Variants in RRM2 observed in about 807,000 individuals in gnomAD.
RRM2 encodes the protein ribonucleotide reductase regulatory subunit M2, also known as ribonucleoside-diphosphate reductase subunit M2.
RRM2 carries 6 observed loss-of-function variants against 45.9 expected under a neutral mutation model. That is an observed-to-expected ratio of 0.13 (90% CI 0.07 to 0.26). RRM2 has a LOEUF of 0.26. RRM2 is among the 10% of genes least tolerant of loss of function. The pLI, the probability that RRM2 is intolerant of heterozygous loss-of-function variation, is 1.00. For missense variants in RRM2, 343 were observed against 489.5 expected (o/e 0.70, Z 2.82); for synonymous variants, 177 against 173.0 (o/e 1.02, Z -0.18).
At chr2:10,151,547 C>G (rs1349574990) in intron 3 of RRM2, among the ~76,000 whole-genome samples, 1 of 152,078 alleles carries the variant, frequency 6.6e-6, no homozygotes, top group Non-Finnish European at 1.5e-5. Flanking sequence ...ATCTGCTTGC[C>G]TTGGCCTCCG....
intron 3 of RRM2, chr2:10,210,236 G>C: frequency 9.8e-7 from 1 of 1,019,286 alleles, no homozygotes; most frequent in Non-Finnish European, 1.4e-6. Context: ...TGCCCAGTAT[G>C]TGTTTGGTGA....
chr2:10,124,838 A>T lies in RRM2; in HGVS notation c.557A>T (p.Asp186Val). 3 of 1,598,578 alleles carry T rather than the reference A, an allele frequency of 1.9e-6. No homozygotes were observed. The highest frequency in any genetic ancestry group is 2.6e-6 in the Non-Finnish European group (3 of 1,168,442). ...CTTCTTATTGACACTTACATAAAAGATCCCAAAGAAAGGTGAGTATTCAAG... is the reference window on the plus strand; with the variant it reads ...CTTCTTATTGACACTTACATAAAAGTTCCCAAAGAAAGGTGAGTATTCAAG... ...YSLLIDTYIK[D>V]PKEREFLFNA... The change falls in exon 5 of 10, where the codon GAT (aspartate) becomes GTT (valine). Residue 186 changes from aspartate to valine, a missense_variant. Physicochemically the swap from Asp to Val is radical, Grantham distance 152. Around this residue, in one of 2 missense-constraint regions of RRM2, gnomAD observed 212 missense variants for 368.1 expected, o/e 0.58. Transcript: ENST00000304567.
chr2:10,146,068 A>G (rs1001144120), intron 3 of RRM2: 1 of 152,250 alleles, frequency 6.6e-6, no homozygotes, highest in Non-Finnish European at 1.5e-5. Context: ...TCTCACACTC[A>G]TCCTGGGCAC....
rs182689253 is a variant in RRM2 at position 10,144,100 on chromosome 2, G to A, written n.482+1725G>A. On this transcript the variant is annotated intron_variant and non_coding_transcript_variant, in intron 3 of 3. Coordinates refer to the RRM2 transcript ENST00000381786. Reference sequence around the variant, plus strand: ...CACAGCGCCTGTTGGGGACTCTCCTGTAACCCAAGGGGGTAGCGGAAGGAT... The same window carrying A: ...CACAGCGCCTGTTGGGGACTCTCCTATAACCCAAGGGGGTAGCGGAAGGAT... 9.1e-4 allele frequency among the ~76,000 whole-genome samples: 138 copies of A among 152,340 alleles called. 1 individual carries two copies. Among genetic ancestry groups the A allele is most frequent in the African/African-American group, 3.2e-3 (132 of 41,576 alleles).
Position 10,127,451 on chromosome 2 carries a change from G to A in RRM2, c.798+231G>A. On this transcript the variant is annotated intron_variant, in intron 7 of 9. Transcript: ENST00000304567. This position sits in a 1 kb window ranked among gnomAD's most constrained non-coding sequence, Gnocchi z 4.1. ...ATTTGTACATATGTATTCCCCTATA[G>A]GCTTTGAATGCATAAAACTACAAGT... The A allele has an allele frequency of 4.5e-6, 2 of 444,238 alleles. No individual in the cohort carries two copies. The highest frequency in any genetic ancestry group is 8.0e-6 in the Non-Finnish European group (2 of 250,042). The allele number at this position is 444,238 out of a possible 1,614,324, so 27.5% of individuals were successfully genotyped here.
chr2:10,186,370 T>TG (rs1378063586), intron 3 of RRM2, among the ~76,000 whole-genome samples: 1 of 151,402 alleles, frequency 6.6e-6, no homozygotes, highest in Non-Finnish European at 1.5e-5. Flanking sequence ...TTGGCCAGGA[T>TG]GGTCTCGATT....
At chr2:10,124,233 G>C (rs1287049689) in intron 4 of RRM2, 1 of 257,252 alleles carries the variant, frequency 3.9e-6, no homozygotes, top group African/African-American at 2.3e-5. Flanking sequence ...AGCCTCATGA[G>C]TACCTGGGAT....
intron 3 of RRM2, among the ~76,000 whole-genome samples, chr2:10,143,984 C>G (rs1475242288): frequency 6.6e-6 from 1 of 152,170 alleles, no homozygotes; most frequent in Admixed American, 6.5e-5. Flanking sequence ...CACTTTCTTC[C>G]CCTTCCTCCT....
In RRM2 at chr2:10,146,299, A is replaced by G. The variant is rs1171122552; in HGVS notation, n.482+3924A>G. On this transcript the variant is annotated intron_variant and non_coding_transcript_variant, in intron 3 of 3. Coordinates refer to the RRM2 transcript ENST00000381786. ...CCTGGGCTGCCTCTTTCCCCAGTGC[A>G]CCTTGCTTTTTGGAACCAGATGACC... Among the ~76,000 whole-genome samples the G allele has an allele frequency of 2.0e-5, 3 of 152,176 alleles. No individual in the cohort carries two copies. The East Asian group carries it at 5.8e-4, about 29-fold the overall frequency.
At chr2:10,166,419 G>A (rs776141115) in intron 3 of RRM2, among the ~76,000 whole-genome samples, 1 of 152,200 alleles carries the variant, frequency 6.6e-6, no homozygotes, top group African/African-American at 2.4e-5. Context: ...TCTGTGCTCT[G>A]CCCCTGAACA....
chr2:10,170,430 C>G (rs566688583), intron 3 of RRM2, among the ~76,000 whole-genome samples: 1 of 152,164 alleles, frequency 6.6e-6, no homozygotes, highest in Admixed American at 6.5e-5. Flanking sequence ...GCGCTGGAAC[C>G]AGGGGGGAAT....
downstream of RRM2, among the ~76,000 whole-genome samples, chr2:10,134,257 A>G (rs1193862660): frequency 6.6e-6 from 1 of 151,894 alleles, no homozygotes; most frequent in African/African-American, 2.4e-5. Flanking sequence ...GAAAGTGACC[A>G]TGGAGGCCCC....
At chr2:10,188,070 G>T (rs1296797273) in intron 3 of RRM2, among the ~76,000 whole-genome samples, 1 of 152,186 alleles carries the variant, frequency 6.6e-6, no homozygotes, top group Non-Finnish European at 1.5e-5. Flanking sequence ...AGACCCTCTG[G>T]TCTAATGATT....
chr2:10,155,909 C>T (rs551863884), intron 3 of RRM2: 4 of 152,384 alleles, frequency 2.6e-5, no homozygotes, highest in East Asian at 1.9e-4. Context: ...AAGGAGGCTA[C>T]AGCCCAAGGA....
chr2:10,206,840 A>G (rs1664674048), intron 3 of RRM2, among the ~76,000 whole-genome samples: 1 of 152,230 alleles, frequency 6.6e-6, no homozygotes, highest in African/African-American at 2.4e-5. Flanking sequence ...AATGGAAGAC[A>G]CAGAGCTGGA....
chr2:10,123,350 G>T, intron 2 of RRM2, 37 bp from the exon 3 acceptor site: 1 of 1,576,990 alleles, frequency 6.3e-7, no homozygotes, highest in Non-Finnish European at 8.6e-7. Context: ...CATATGGTTC[G>T]CCCGGTACTT....
chr2:10,144,498 C>A (rs1000610381), intron 3 of RRM2, among the ~76,000 whole-genome samples: 1 of 152,170 alleles, frequency 6.6e-6, no homozygotes, highest in African/African-American at 2.4e-5. Flanking sequence ...TGCCTGCCTT[C>A]TTACAGTGCT....
intron 3 of RRM2, among the ~76,000 whole-genome samples, chr2:10,167,085 A>ACTGATTCAGGCATGTGC (rs1663697978): frequency 6.6e-6 from 1 of 151,914 alleles, no homozygotes; most frequent in Non-Finnish European, 1.5e-5. Flanking sequence ...CAGGCATGTG[A>ACTGATTCAGGCATGTGC]CACCTGTCAA....
chr2:10,176,503 G>A (rs1372869286), intron 3 of RRM2, among the ~76,000 whole-genome samples: 1 of 151,980 alleles, frequency 6.6e-6, no homozygotes, highest in Non-Finnish European at 1.5e-5. Flanking sequence ...CCCAACCTCA[G>A]GTGATCTGCC....
Sources: gnomAD v4.1 joint callset for allele counts (sites outside exome capture counted in the v4.1 genomes callset) on GRCh38, gnomAD v4.1.1 for gene constraint, gnomAD v4.1.1 regional missense constraint, Gnocchi (gnomAD v3.1) non-coding constraint, MANE v1.5 for transcripts, NCBI Gene and HGNC (gene_info 2026-07-23, HGNC 2026-07-21) for gene names.